Variants in SHROOM4 observed in about 807,000 individuals in gnomAD.
SHROOM4 encodes shroom family member 4, also known as protein Shroom4.
A neutral mutation model predicts 80.3 loss-of-function variants in SHROOM4; 17 were observed. The ratio of observed to expected loss-of-function variants is 0.21; its 90% CI spans 0.14 to 0.32. The LOEUF is 0.32. SHROOM4 is among the 10% of genes least tolerant of loss of function. SHROOM4 has a pLI of 1.00. For synonymous variants in SHROOM4, 400 were observed against 437.5 expected, an observed-to-expected ratio of 0.91 and a Z score of 1.07; for missense variants, 993 against 1,140.3, an observed-to-expected ratio of 0.87 and a Z score of 1.86.
intron 6 of SHROOM4, among the ~76,000 whole-genome samples, chrX:50,603,384 C>T (rs868977953): frequency 2.7e-5 from 3 of 110,728 alleles, no homozygotes; most frequent in South Asian, 7.9e-4. Context: ...AGATCTCCCA[C>T]AGCAAAGAGG....
chrX:50,598,505 G>T lies in SHROOM4; in HGVS notation c.3973C>A (p.Leu1325Ile). 8.3e-7 allele frequency: 1 copy of T among 1,206,545 alleles called. No individual in the cohort carries two copies. Among genetic ancestry groups the T allele is most frequent in the Non-Finnish European group, 1.1e-6 (1 of 892,712 alleles). The change falls in exon 8 of 9, where the codon CTT (leucine) becomes ATT (isoleucine). Residue 1325 changes from leucine to isoleucine, a missense_variant. Transcript: ENST00000376020. ...CGCTGGGCCTCCCGCAAGACAGAAA[G>T]TTTTCTGCTGATGCTTTCGATAAGC... ...IQLIESISRKLSVLREAQRGL... is the reference protein window; with the variant it reads ...IQLIESISRKISVLREAQRGL...
chrX:50,671,207 C>T (rs1932794866), intron 2 of SHROOM4, among the ~76,000 whole-genome samples: 2 of 111,756 alleles, frequency 1.8e-5, no homozygotes, highest in Admixed American at 9.5e-5. Flanking sequence ...ATTTATAGAG[C>T]ACAGACAGAG....
At chrX:50,625,048 A>T (rs1930739617) in intron 5 of SHROOM4, among the ~76,000 whole-genome samples, 1 of 112,029 alleles carries the variant, frequency 8.9e-6, no homozygotes, top group African/African-American at 3.2e-5. Context: ...GAAAACTGGT[A>T]TGCTCATATA....
At chrX:50,763,366 A>G (rs1935199907) in intron 1 of SHROOM4, among the ~76,000 whole-genome samples, 1 of 111,431 alleles carries the variant, frequency 9.0e-6, no homozygotes, top group African/African-American at 3.3e-5. Context: ...CTGATATATT[A>G]TCTACCCCTA....
chrX:50,790,110 A>G (rs1935825238), intron 1 of SHROOM4, among the ~76,000 whole-genome samples: 1 of 112,068 alleles, frequency 8.9e-6, no homozygotes, highest in Non-Finnish European at 1.9e-5. Flanking sequence ...TTACAATCTT[A>G]TGGGACCACT....
chrX:50,787,019 C>T (rs1378930062), intron 1 of SHROOM4, among the ~76,000 whole-genome samples: 2 of 110,300 alleles, frequency 1.8e-5, no homozygotes, highest in Non-Finnish European at 3.8e-5. Context: ...GAGTTTGAGA[C>T]CAGCCTCGGC....
intron 2 of SHROOM4, among the ~76,000 whole-genome samples, chrX:50,651,095 C>G (rs1362596383): frequency 8.1e-5 from 9 of 111,061 alleles, no homozygotes; most frequent in Admixed American, 7.7e-4. Flanking sequence ...AACAAACAAA[C>G]AAACCAACAA....
intron 1 of SHROOM4, among the ~76,000 whole-genome samples, chrX:50,778,366 T>C (rs781972064): frequency 1.8e-5 from 2 of 112,282 alleles, no homozygotes; most frequent in South Asian, 7.5e-4. Context: ...TAAGTGGCAA[T>C]GTGGCACCTT....
intron 2 of SHROOM4, among the ~76,000 whole-genome samples, chrX:50,650,002 G>T (rs782579673): frequency 3.6e-5 from 4 of 112,012 alleles, no homozygotes; most frequent in Non-Finnish European, 7.5e-5. Context: ...CCAACATTTA[G>T]GAAGAGTTAG....
At position 50,751,536 on chromosome X, in the gene SHROOM4, T is replaced by C. The variant is rs1361671072; in HGVS notation, c.118-55599A>G. Among the ~76,000 whole-genome samples, 3 of 111,689 alleles carry C rather than the reference T, an allele frequency of 2.7e-5. No individual in the cohort carries two copies. The Admixed American group carries it at 2.8e-4, about 11-fold the overall frequency. ...TCGTCCTTTGTGGGGAAGGTTTCTA[T>C]AATAATGGTATTTTGCAACATGGGG... is the stretch of plus-strand genomic sequence containing the variant. On this transcript the variant is annotated intron_variant, in intron 1 of 8. Transcript: ENST00000376020.
chrX:50,674,190 T>C (rs1265299774), intron 2 of SHROOM4, among the ~76,000 whole-genome samples: 1 of 111,501 alleles, frequency 9.0e-6, no homozygotes, highest in African/African-American at 3.3e-5. Flanking sequence ...ACATATTTAA[T>C]GCAGTTCCTA....
intron 1 of SHROOM4, among the ~76,000 whole-genome samples, chrX:50,792,718 C>T (rs1476365937): frequency 2.8e-5 from 3 of 108,369 alleles, no homozygotes; most frequent in African/African-American, 1.0e-4. Flanking sequence ...AAAAGATGCT[C>T]AACATCACTA....
chrX:50,636,324 T>C (rs1405701768), intron 3 of SHROOM4, among the ~76,000 whole-genome samples: 2 of 110,591 alleles, frequency 1.8e-5, no homozygotes, highest in African/African-American at 6.6e-5. Flanking sequence ...GATTTTGAGA[T>C]GGTGATTTAC....
intron 1 of SHROOM4, among the ~76,000 whole-genome samples, chrX:50,739,446 A>G (rs1557267027): frequency 9.0e-6 from 1 of 110,902 alleles, no homozygotes; most frequent in East Asian, 2.8e-4. Context: ...ACAAAGGGCT[A>G]ATATCCAGAA....
chrX:50,655,140 A>G (rs1301794697), intron 2 of SHROOM4, among the ~76,000 whole-genome samples: 2 of 109,601 alleles, frequency 1.8e-5, no homozygotes, highest in Non-Finnish European at 3.8e-5. Context: ...TTATGGCTGC[A>G]TAGTATTCCA....
At chrX:50,674,289 G>A (rs2147398746) in intron 2 of SHROOM4, among the ~76,000 whole-genome samples, 1 of 111,202 alleles carries the variant, frequency 9.0e-6, no homozygotes, top group East Asian at 2.8e-4. Flanking sequence ...TGAAAAAGAA[G>A]AATAAAGTAA....
At chrX:50,598,687 C>T (rs782263872) in intron 7 of SHROOM4, 152 bp from the exon 8 acceptor site, 61 of 662,006 alleles carry the variant, frequency 9.2e-5, no homozygotes, top group Non-Finnish European at 1.4e-4. Flanking sequence ...AAGTCATGAG[C>T]AACTCCAGTC....
chrX:50,577,824 C>T, the SHROOM4 span, among the ~76,000 whole-genome samples: 14 of 110,998 alleles, frequency 1.3e-4, no homozygotes, highest in Non-Finnish European at 1.5e-4. Flanking sequence ...ATAGGGACTC[C>T]CCTGCTCCAT....
At chrX:50,735,056 T>C (rs377272874) in intron 1 of SHROOM4, among the ~76,000 whole-genome samples, 3 of 111,312 alleles carry the variant, frequency 2.7e-5, no homozygotes, top group Non-Finnish European at 5.6e-5. Context: ...GAGAACAGAC[T>C]AGTACACTTC....
Sources: allele counts gnomAD v4.1 joint callset (sites outside exome capture counted in the v4.1 genomes callset), GRCh38; gene constraint gnomAD v4.1.1; transcripts MANE v1.5; gene names NCBI Gene and HGNC (gene_info 2026-07-23, HGNC 2026-07-21).